Variants in BCAS2 observed in about 807,000 individuals in gnomAD.
BCAS2 encodes the protein BCAS2 pre-mRNA processing factor, also known as pre-mRNA-splicing factor SPF27.
In BCAS2, 34 loss-of-function variants were observed where a neutral mutation model predicts 35.3. The ratio of observed to expected loss-of-function variants is 0.96; its 90% CI spans 0.73 to 1.28. BCAS2 has a LOEUF of 1.28. Among genes scored for constraint, BCAS2 ranks in the 50% most tolerant of loss-of-function variants. The pLI is 0.00. For missense variants in BCAS2, 221 were observed against 268.1 expected (o/e 0.82, Z 1.23); for synonymous variants, 75 against 91.6 (o/e 0.82, Z 1.03).
At chr1:114,576,222 C>CCT (rs71580638) in intron 3 of BCAS2, among the ~76,000 whole-genome samples, 22,732 of 134,526 alleles carry the variant, frequency 0.17, 2,458 homozygotes, top group Non-Finnish European at 0.25. Context: ...TTCAACACTG[C>CCT]CTCTCTCTCT....
intron 4 of BCAS2, 67 bp downstream of exon 4, chr1:114,575,523 C>A: frequency 6.8e-7 from 1 of 1,471,732 alleles, no homozygotes; most frequent in Non-Finnish European, 9.2e-7. Context: ...TGTACTAAAA[C>A]TTTGGGTGAG....
At chr1:114,573,104 G>A (rs565426281) in intron 4 of BCAS2, among the ~76,000 whole-genome samples, 2 of 14,480 alleles carry the variant, frequency 1.4e-4, no homozygotes, top group Non-Finnish European at 2.2e-4. Context: ...ATTCTGTCCC[G>A]CCCCCCGCCC....
chr1:114,569,930 T>C (rs1654605133), intron 6 of BCAS2, 62 bp downstream of exon 6: 1 of 1,289,028 alleles, frequency 7.8e-7, no homozygotes, highest in Admixed American at 1.9e-5. Flanking sequence ...TGAATCATAT[T>C]ATTGAATCGA....
At chr1:114,571,751 A>G (rs72698021) in intron 4 of BCAS2, among the ~76,000 whole-genome samples, 1 of 152,158 alleles carries the variant, frequency 6.6e-6, no homozygotes, top group East Asian at 1.9e-4. Flanking sequence ...TTTTATCTCT[A>G]TATTTCTGCA....
chr1:114,571,599 T>C (rs1187748849), intron 4 of BCAS2, among the ~76,000 whole-genome samples: 1 of 152,056 alleles, frequency 6.6e-6, no homozygotes, highest in African/African-American at 2.4e-5. Flanking sequence ...GCTCAAGCAA[T>C]CTCCCCACCT....
intron 4 of BCAS2, among the ~76,000 whole-genome samples, chr1:114,575,076 T>C (rs1394754406): frequency 6.6e-6 from 1 of 151,654 alleles, no homozygotes; most frequent in Non-Finnish European, 1.5e-5. Flanking sequence ...TTTACCATGT[T>C]GGCCAGGCTG....
At chr1:114,576,001 A>G (rs41312702) in intron 3 of BCAS2, among the ~76,000 whole-genome samples, 19,041 of 152,180 alleles carry the variant, frequency 0.13, 1,700 homozygotes, top group East Asian at 0.45. Context: ...AGATTGTTAC[A>G]TTAGCTATTA....
At position 114,581,385 on chromosome 1, in the gene BCAS2, C is replaced by G. The variant is rs1439644890; in HGVS notation, c.100G>C (p.Ala34Pro). ...CTGCGAGTTTCCTCCTCCACCAGCG[C>G]TGCAGCCTAAGAAAGAGAATAGGGA... ...EAPGVREAAA[A>P]LVEEETRRYR... The change falls in exon 2 of 7, where the codon GCG (alanine) becomes CCG (proline). Residue 34 changes from alanine to proline, a missense_variant. By Grantham distance (27) the Ala-to-Pro change is conservative. Coordinates refer to ENST00000369541, the MANE Select transcript of BCAS2 (RefSeq NM_005872.3). 1 of 1,614,186 alleles carries G rather than the reference C, an allele frequency of 6.2e-7. No homozygotes were observed. Among genetic ancestry groups the G allele is most frequent in the Non-Finnish European group, 8.5e-7 (1 of 1,180,032 alleles).
rs373951380 is a variant in BCAS2, at chr1:114,568,122, T to C, written c.*8A>G. The C allele has an allele frequency of 5.0e-6, 8 of 1,611,966 alleles. No homozygotes were observed. The highest frequency in any genetic ancestry group is 1.3e-5 in the African/African-American group (1 of 74,858). ...CCCAACTTTTCTTCTACCTGCTAAA[T>C]TGTCTTTTCAGAAGTCTTGCCGGAT... is the stretch of plus-strand genomic sequence containing the variant. On this transcript the variant is annotated 3_prime_UTR_variant, in exon 7 of 7. Transcript: ENST00000369541.
At chr1:114,570,394 ATG>A (rs1256965943) in intron 5 of BCAS2, among the ~76,000 whole-genome samples, 3 of 151,962 alleles carry the variant, frequency 2.0e-5, no homozygotes, top group Admixed American at 6.6e-5. Flanking sequence ...GCTTTCCTAT[ATG>A]TGTGTGTAGA....
At chr1:114,570,583 G>C in intron 5 of BCAS2, 117 bp downstream of exon 5, 4 of 736,206 alleles carry the variant, frequency 5.4e-6, no homozygotes, top group Non-Finnish European at 9.0e-6. Flanking sequence ...AACAAAGAGA[G>C]TGGATCAATT....
intron 5 of BCAS2, 34 bp downstream of exon 5, chr1:114,570,666 A>C: frequency 6.8e-7 from 1 of 1,460,854 alleles, no homozygotes; most frequent in Non-Finnish European, 9.4e-7. Context: ...AGGTTCACTT[A>C]AACTTCATTC....
At chr1:114,579,105 G>A (rs902288157) in intron 2 of BCAS2, among the ~76,000 whole-genome samples, 2 of 152,092 alleles carry the variant, frequency 1.3e-5, no homozygotes, top group Admixed American at 6.6e-5. Context: ...GTGAAACCAC[G>A]TTTCTACTAA....
intron 4 of BCAS2, 78 bp from the exon 5 acceptor site, chr1:114,570,828 GC>G: frequency 9.9e-7 from 1 of 1,015,174 alleles, no homozygotes; most frequent in Non-Finnish European, 1.5e-6. Flanking sequence ...AAGTTTTTCT[GC>G]CAAAAATCAT....
Position 114,570,048 on chromosome 1 carries a change from C to A in BCAS2, c.495G>T (p.Trp165Cys), listed in dbSNP as rs1654607331. Residue 165 changes from tryptophan (W) to cysteine (C), a missense_variant, in exon 6 of 7, where the codon TGG (tryptophan) becomes TGT (cysteine). Trp to Cys is a radical substitution (Grantham distance 215). Transcript: ENST00000369541. ...CTGTGAGTTGCATGTTCTTTCTCTG[C>A]CAGTTTAAATCTTGAATATGTTTTC... ...KLRKHIQDLN[W>C]QRKNMQLTAG... The A allele has an allele frequency of 6.2e-7, 1 of 1,611,334 alleles. No homozygotes were observed. The highest frequency in any genetic ancestry group is 1.1e-5 in the South Asian group (1 of 90,930).
chr1:114,579,091 A>C (rs969657745), intron 2 of BCAS2, among the ~76,000 whole-genome samples: 1 of 151,892 alleles, frequency 6.6e-6, no homozygotes, highest in Non-Finnish European at 1.5e-5. Flanking sequence ...GCCTGGCCAC[A>C]ATGGTGAAAC....
At position 114,570,166 on chromosome 1, in the gene BCAS2, T is replaced by G. The variant is rs537988077; in HGVS notation, c.471-94A>C. On this transcript the variant is annotated intron_variant, in intron 5 of 6. Transcript: ENST00000369541. Reference sequence around the variant, plus strand: ...AACACAAGAGAATATCTTAATCCCATGAGAACAATATTATGTACAGTTATA... The same window carrying G: ...AACACAAGAGAATATCTTAATCCCAGGAGAACAATATTATGTACAGTTATA... 23 of 854,948 alleles carry G rather than the reference T, an allele frequency of 2.7e-5. No homozygotes were observed. In the African/African-American group the frequency reaches 3.1e-4, roughly 11 times the overall value. 53.0% of individuals were successfully genotyped at this position (854,948 alleles called of 1,614,324 possible).
rs552869106 is a variant in BCAS2 at position 114,573,038 on chromosome 1, G to T, written c.420-2288C>A. Among the ~76,000 whole-genome samples the T allele has an allele frequency of 1.2e-3, 175 of 150,354 alleles. 4 individuals carry two copies. The Admixed American group carries it at 0.012, about 10-fold the overall frequency. On this transcript the variant is annotated intron_variant, in intron 4 of 6. Transcript: ENST00000369541. ...GCAGAAGAGTTGCTTGAACCCGGGAGGGTTGCAGTGAGCTGAGATTGTGGC... is the reference window on the plus strand; with the variant it reads ...GCAGAAGAGTTGCTTGAACCCGGGATGGTTGCAGTGAGCTGAGATTGTGGC...
chr1:114,569,212 G>C (rs1654591800), intron 6 of BCAS2, among the ~76,000 whole-genome samples: 1 of 152,012 alleles, frequency 6.6e-6, no homozygotes, highest in Admixed American at 6.6e-5. Flanking sequence ...TCAACAAAAA[G>C]GAAAGAGGCA....
Sources: gnomAD v4.1 joint callset for allele counts (sites outside exome capture counted in the v4.1 genomes callset) on GRCh38, gnomAD v4.1.1 for gene constraint, MANE v1.5 for transcripts, NCBI Gene and HGNC (gene_info 2026-07-23, HGNC 2026-07-21) for gene names.